The following AMPH variants were observed in gnomAD, a reference collection of about 807,000 sequenced individuals.
AMPH encodes amphiphysin (Stiff-Mann syndrome with breast cancer 128kD autoantigen).
Under a neutral mutation model 99.1 loss-of-function variants are expected in AMPH, and 49 were observed. That is an observed-to-expected ratio of 0.49 (90% CI 0.39 to 0.63). AMPH has a LOEUF of 0.63. Among genes scored for constraint, AMPH ranks in the 20% least tolerant of loss-of-function variants. AMPH has a pLI of 0.00. For missense variants in AMPH, 759 were observed against 863.4 expected, an observed-to-expected ratio of 0.88 and a Z score of 1.52; for synonymous variants, 314 against 317.3, an observed-to-expected ratio of 0.99 and a Z score of 0.11.
intron 1 of AMPH, among the ~76,000 whole-genome samples, chr7:38,591,411 C>T (rs1792851428): frequency 6.6e-6 from 1 of 151,876 alleles, no homozygotes; most frequent in South Asian, 2.1e-4. Flanking sequence ...CCTCAGCCTC[C>T]CTAGTAGCTG....
chr7:38,564,183 C>A (rs1175437126), intron 1 of AMPH, among the ~76,000 whole-genome samples: 1 of 152,174 alleles, frequency 6.6e-6, no homozygotes, highest in Non-Finnish European at 1.5e-5. Context: ...AAAGCAAGGG[C>A]ATAACTAGGG....
chr7:38,454,242 G>T (rs762018711), intron 11 of AMPH, among the ~76,000 whole-genome samples: 1 of 152,162 alleles, frequency 6.6e-6, no homozygotes, highest in South Asian at 2.1e-4. Flanking sequence ...CATTGTGTCT[G>T]AGTTTTTATT....
At chr7:38,445,656 A>C (rs902206045) in intron 11 of AMPH, among the ~76,000 whole-genome samples, 1 of 152,236 alleles carries the variant, frequency 6.6e-6, no homozygotes, top group African/African-American at 2.4e-5. Context: ...AAAATACTTA[A>C]CACCACTAGT....
intron 16 of AMPH, chr7:38,421,042 T>C (rs1785564329): frequency 6.6e-6 from 3 of 456,530 alleles, no homozygotes; most frequent in African/African-American, 4.0e-5. Flanking sequence ...GGACCAAGGT[T>C]AGCAGCATTT....
At position 38,445,006 on chromosome 7, in the gene AMPH, T is replaced by TACACACACAC. The variant is rs1458527907; in HGVS notation, c.1018-8619_1018-8618insGTGTGTGTGT. Among the ~76,000 whole-genome samples the TACACACACAC allele has an allele frequency of 1.6e-5, 2 of 127,844 alleles. 1 individual carries two copies. The highest frequency in any genetic ancestry group is 5.8e-4 in the South Asian group (2 of 3,448). 83.9% of individuals were successfully genotyped at this position (127,844 alleles called of 152,430 possible). A position where few individuals can be genotyped will look rare whatever the true frequency, so the allele number is the denominator to read the frequency against. ...ATATATATACATATATATATATATA[T>TACACACACAC]ATATACACACACACACACGGTATAT... is the stretch of plus-strand genomic sequence containing the variant. On this transcript the variant is annotated intron_variant, in intron 11 of 20. Coordinates refer to ENST00000356264, the MANE Select transcript of AMPH (RefSeq NM_001635.4).
At chr7:38,399,898 T>C (rs1216101734) in intron 17 of AMPH, among the ~76,000 whole-genome samples, 4 of 152,176 alleles carry the variant, frequency 2.6e-5, no homozygotes, top group Non-Finnish European at 4.4e-5. Context: ...ACTAAAAATG[T>C]TCTCCTTGAC....
chr7:38,467,855 A>G (rs1471849108), intron 7 of AMPH, among the ~76,000 whole-genome samples: 2 of 152,178 alleles, frequency 1.3e-5, no homozygotes, highest in South Asian at 2.1e-4. Context: ...GACAGCTGCA[A>G]ACATCTGCTT....
intron 17 of AMPH, among the ~76,000 whole-genome samples, chr7:38,398,093 T>C (rs1192184598): frequency 6.8e-6 from 1 of 147,592 alleles, no homozygotes; most frequent in Non-Finnish European, 1.5e-5. Context: ...TGGTGAACAG[T>C]TTGGAGGTTC....
intron 1 of AMPH, among the ~76,000 whole-genome samples, chr7:38,610,024 G>A (rs968915609): frequency 6.6e-6 from 1 of 151,388 alleles, no homozygotes; most frequent in African/African-American, 2.4e-5. Flanking sequence ...CTCACCTGAG[G>A]TCGGGAGTTC....
chr7:38,478,426 T>C (rs1352454896), intron 5 of AMPH, among the ~76,000 whole-genome samples: 1 of 152,146 alleles, frequency 6.6e-6, no homozygotes, highest in African/African-American at 2.4e-5. Context: ...AAAGACCCAA[T>C]GCAGCTCAGG....
At chr7:38,607,999 T>A (rs531208118) in intron 1 of AMPH, among the ~76,000 whole-genome samples, 3 of 152,312 alleles carry the variant, frequency 2.0e-5, no homozygotes, top group South Asian at 4.1e-4. Flanking sequence ...TTTTTTAAAT[T>A]TTTTTCCATT....
chr7:38,554,875 T>C (rs1024919573), intron 1 of AMPH, among the ~76,000 whole-genome samples: 63 of 152,168 alleles, frequency 4.1e-4, no homozygotes, highest in African/African-American at 1.5e-3. Context: ...TACCAGGAGA[T>C]GCACACCCTC....
At chr7:38,400,520 T>C (rs1239916774) in intron 17 of AMPH, among the ~76,000 whole-genome samples, 5 of 152,234 alleles carry the variant, frequency 3.3e-5, no homozygotes, top group African/African-American at 1.2e-4. Flanking sequence ...ATGAATGAAA[T>C]GCAACAATAG....
At chr7:38,442,539 C>T (rs1178817486) in intron 11 of AMPH, among the ~76,000 whole-genome samples, 1 of 152,120 alleles carries the variant, frequency 6.6e-6, no homozygotes. Context: ...TCTAGAAAAT[C>T]CACAAATATT....
intron 3 of AMPH, among the ~76,000 whole-genome samples, chr7:38,496,176 C>T (rs768613736): frequency 7.2e-5 from 11 of 152,278 alleles, no homozygotes; most frequent in South Asian, 2.1e-4. Context: ...AGATAAAAAT[C>T]ATTTGTTAAA....
At chr7:38,630,820 G>C (rs971305031) in intron 1 of AMPH, among the ~76,000 whole-genome samples, 2 of 152,202 alleles carry the variant, frequency 1.3e-5, no homozygotes, top group African/African-American at 2.4e-5. Flanking sequence ...CCCGCAAGAA[G>C]GAAGGCTGCT....
chr7:38,503,827 G>A (rs1789233854), intron 2 of AMPH, 123 bp from the exon 3 acceptor site: 3 of 934,476 alleles, frequency 3.2e-6, no homozygotes, highest in African/African-American at 1.6e-5. Flanking sequence ...ACATAAATAT[G>A]TGGACACAGA....
At chr7:38,571,095 AAT>A (rs1464056025) in intron 1 of AMPH, among the ~76,000 whole-genome samples, 5 of 77,556 alleles carry the variant, frequency 6.4e-5, no homozygotes, top group South Asian at 3.9e-4. Context: ...TCATATATTG[AAT>A]ATATATATTC....
At chr7:38,437,625 C>CA (rs70977404) in intron 11 of AMPH, among the ~76,000 whole-genome samples, 4,091 of 94,792 alleles carry the variant, frequency 0.043, 123 homozygotes, top group South Asian at 0.085. Context: ...ACTAAAAATA[C>CA]AAAAAAAAAA....
Sources: gnomAD v4.1 joint callset for allele counts (sites outside exome capture counted in the v4.1 genomes callset) on GRCh38, gnomAD v4.1.1 for gene constraint, MANE v1.5 for transcripts, NCBI Gene and HGNC (gene_info 2026-07-23, HGNC 2026-07-21) for gene names.